The following SPATC1L variants were observed in gnomAD, a reference collection of about 807,000 sequenced individuals.
SPATC1L encodes the protein speriolin-like protein.
A neutral mutation model predicts 21.2 loss-of-function variants in SPATC1L; 20 were observed. That is an observed-to-expected ratio of 0.94 (90% CI 0.66 to 1.37). The LOEUF is 1.37. Among genes scored for constraint, SPATC1L ranks in the 40% most tolerant of loss-of-function variants. SPATC1L has a pLI of 0.00. For missense variants in SPATC1L, 499 were observed against 478.7 expected, an observed-to-expected ratio of 1.04 and a Z score of -0.40; for synonymous variants, 290 against 234.5, an observed-to-expected ratio of 1.24 and a Z score of -2.16.
chr21:46,184,392 A>G lies in SPATC1L; in HGVS notation c.-995T>C. On this transcript the variant is annotated 5_prime_UTR_variant, in exon 1 of 5. Transcript: ENST00000291672. Reference sequence around the variant, plus strand: ...TTCTTGGCTCCGAGGGTCTTGTTTTATCAGCAGCCGGGATGCAACAGATGG... The same window carrying G: ...TTCTTGGCTCCGAGGGTCTTGTTTTGTCAGCAGCCGGGATGCAACAGATGG... 1 of 158,656 alleles carries G rather than the reference A, an allele frequency of 6.3e-6. No individual in the cohort carries two copies. Among genetic ancestry groups the G allele is most frequent in the South Asian group, 1.4e-4 (1 of 7,148 alleles). 9.8% of individuals were successfully genotyped at this position (158,656 alleles called of 1,614,324 possible).
At chr21:46,165,921 C>T (rs2079537091) in intron 3 of SPATC1L, among the ~76,000 whole-genome samples, 1 of 152,136 alleles carries the variant, frequency 6.6e-6, no homozygotes, top group Non-Finnish European at 1.5e-5. Context: ...CCATTCAAGG[C>T]TCGGGTAGTT....
rs202009773 is a variant in SPATC1L at position 46,161,985 on chromosome 21, G to A, written c.627C>T (p.Ala209=). ...IAFQLDRRIL[A]YVFPGVTRLY... is the part of the protein sequence containing the mutation. ...GCCGCGTCACGCCCGGGAACACGTAGGCCAGGATGCGGCGGTCCAGCTGGA... is the reference window on the plus strand; with the variant it reads ...GCCGCGTCACGCCCGGGAACACGTAAGCCAGGATGCGGCGGTCCAGCTGGA... Residue 209 remains alanine (A), a synonymous_variant, in exon 4 of 5, where the codon GCC becomes GCT. Transcript: ENST00000291672. The A allele has an allele frequency of 1.9e-6, 3 of 1,607,148 alleles. No individual in the cohort carries two copies. Among genetic ancestry groups the A allele is most frequent in the East Asian group, 2.2e-5 (1 of 44,782 alleles).
rs1293480540 is a variant in SPATC1L at position 46,161,612 on chromosome 21, G to A, written c.790C>T (p.Leu264=). The A allele has an allele frequency of 1.9e-6, 3 of 1,610,330 alleles. No homozygotes were observed. The South Asian group carries it at 3.3e-5, about 18-fold the overall frequency. The change falls in exon 5 of 5, where the codon CTG becomes TTG. Residue 264 remains leucine, a synonymous_variant. Coordinates refer to ENST00000291672, the MANE Select transcript of SPATC1L (RefSeq NM_001142854.2). Reference sequence around the variant, plus strand: ...GGGTGCACGTCGCGGCTGTAGCCCAGCTTCTCCAGGCGCGCGCTCAGGGCC... The same window carrying A: ...GGGTGCACGTCGCGGCTGTAGCCCAACTTCTCCAGGCGCGCGCTCAGGGCC... ...YLALSARLEK[L]GYSRDVHPAF... is the part of the protein sequence containing the mutation.
rs1210830943 is a variant in SPATC1L at position 46,161,280 on chromosome 21, C to T, written c.*99G>A. The T allele has an allele frequency of 7.5e-6, 9 of 1,201,642 alleles. No individual in the cohort carries two copies. Among genetic ancestry groups the T allele is most frequent in the African/African-American group, 4.9e-5 (3 of 61,686 alleles). 74.4% of individuals were successfully genotyped at this position (1,201,642 alleles called of 1,614,324 possible). A position where few individuals can be genotyped will look rare whatever the true frequency, so the allele number is the denominator to read the frequency against. On this transcript the variant is annotated 3_prime_UTR_variant, in exon 5 of 5. Coordinates refer to ENST00000291672, the MANE Select transcript of SPATC1L (RefSeq NM_001142854.2). ...CTTCTCTGGCCTCGCGCGCGGGGGA[C>T]GCGGCCCTTTCCCCTCCGGGGGGAC...
chr21:46,176,981 T>G (rs2079637925), intron 2 of SPATC1L, among the ~76,000 whole-genome samples: 1 of 152,196 alleles, frequency 6.6e-6, no homozygotes, highest in Non-Finnish European at 1.5e-5. Flanking sequence ...CCACCTGATC[T>G]TCAACAAATC....
chr21:46,179,258 A>G (rs575992044), intron 2 of SPATC1L, among the ~76,000 whole-genome samples: 25 of 152,124 alleles, frequency 1.6e-4, no homozygotes, highest in African/African-American at 6.0e-4. Flanking sequence ...AGAAAAAAAC[A>G]TAATGGGCCA....
In SPATC1L at chr21:46,161,352, C is replaced by A. The variant is rs757884346; in HGVS notation, c.*27G>T. ...CGGGTTGGAACAAACGCGTTTACTG[C>A]AGGCAAGGCGGCGGGCGCGGGGCGG... On this transcript the variant is annotated 3_prime_UTR_variant, in exon 5 of 5. Coordinates refer to ENST00000291672, the MANE Select transcript of SPATC1L (RefSeq NM_001142854.2). 4 of 1,487,666 alleles carry A rather than the reference C, an allele frequency of 2.7e-6. No homozygotes were observed. In the African/African-American group the frequency reaches 5.6e-5, roughly 21 times the overall value. The allele number at this position is 1,487,666 out of a possible 1,614,324, so 92.2% of individuals were successfully genotyped here. A position where few individuals can be genotyped will look rare whatever the true frequency, so the allele number is the denominator to read the frequency against.
chr21:46,182,789 G>A lies in SPATC1L; in HGVS notation c.28C>T (p.Arg10Trp), dbSNP rs773224278. The change falls in exon 2 of 5, where the codon CGG becomes TGG. Residue 10 changes from arginine to tryptophan, a missense_variant. Transcript: ENST00000291672. ...AGGTCCGCGTTCTCGCTCAGGAGCC[G>A]GCTCATCAGCTCGCCGCCTTCAGCC... is the stretch of plus-strand genomic sequence containing the variant. MAEGGELMS[R>W]LLSENADLKK... The A allele has an allele frequency of 7.8e-6, 12 of 1,544,746 alleles. No homozygotes were observed. Among genetic ancestry groups the A allele is most frequent in the East Asian group, 2.5e-5 (1 of 40,774 alleles).
At chr21:46,169,598 T>C (rs2079569082) in intron 2 of SPATC1L, among the ~76,000 whole-genome samples, 1 of 121,490 alleles carries the variant, frequency 8.2e-6, no homozygotes, top group Non-Finnish European at 1.7e-5. Context: ...CCCCCTGCTC[T>C]GTGAGCATCC....
At chr21:46,171,127 C>T (rs2079586703) in intron 2 of SPATC1L, among the ~76,000 whole-genome samples, 1 of 152,226 alleles carries the variant, frequency 6.6e-6, no homozygotes, top group African/African-American at 2.4e-5. Context: ...CCATGCCCAC[C>T]AACACCTCCT....
intron 3 of SPATC1L, among the ~76,000 whole-genome samples, chr21:46,162,450 C>T (rs765097049): frequency 7.9e-5 from 12 of 152,166 alleles, no homozygotes; most frequent in South Asian, 2.1e-4. Flanking sequence ...GGAACAGGGC[C>T]GGTCGGCTTG....
chr21:46,170,258 AGC>A, intron 2 of SPATC1L, among the ~76,000 whole-genome samples: 1 of 141,538 alleles, frequency 7.1e-6, no homozygotes, highest in Non-Finnish European at 1.5e-5. Flanking sequence ...CTGCTCTGTG[AGC>A]ATCCTCTGTG....
In SPATC1L at chr21:46,161,701, G is replaced by A. The variant is rs1223635338; in HGVS notation, c.701C>T (p.Ser234Phe). ...CACGGAGCCGTCCAGAGACTTGGTG[G>A]AGGTCTGCGGGCGCAGCGCATGGAT... ...ANIPEKIEQT[S>F]TKSLDGSVDE... Residue 234 changes from serine to phenylalanine, a missense_variant, in exon 5 of 5, where the codon TCC (serine) becomes TTC (phenylalanine). Transcript: ENST00000291672. The A allele has an allele frequency of 4.4e-6, 7 of 1,591,794 alleles. No individual in the cohort carries two copies. Among genetic ancestry groups the A allele is most frequent in the Non-Finnish European group, 6.0e-6 (7 of 1,168,772 alleles).
At chr21:46,164,415 C>T (rs899302809) in intron 3 of SPATC1L, among the ~76,000 whole-genome samples, 1 of 152,144 alleles carries the variant, frequency 6.6e-6, no homozygotes, top group East Asian at 1.9e-4. Flanking sequence ...CAACACACTG[C>T]ACAGAAGTGT....
At chr21:46,175,567 A>G (rs900903263) in intron 2 of SPATC1L, among the ~76,000 whole-genome samples, 17 of 152,224 alleles carry the variant, frequency 1.1e-4, no homozygotes, top group Non-Finnish European at 1.3e-4. Context: ...GAAAAAATGG[A>G]TAAGTTCCTG....
Position 46,161,403 on chromosome 21 carries a change from GTCC to G in SPATC1L, c.996_998del (p.Glu332del), listed in dbSNP as rs1555886427. 6.5e-7 allele frequency: 1 copy of G among 1,530,898 alleles called. No homozygotes were observed. Among genetic ancestry groups the G allele is most frequent in the Non-Finnish European group, 8.8e-7 (1 of 1,140,780 alleles). The allele number at this position is 1,530,898 out of a possible 1,614,324, so 94.8% of individuals were successfully genotyped here. Reference sequence around the variant, plus strand: ...CTCACCAGGCGAAGAGGGGCTTGCCGTCCTCCTTGGAGAGCTCGCACAGGCAGT... The same window carrying G: ...CTCACCAGGCGAAGAGGGGCTTGCCGTCCTTGGAGAGCTCGCACAGGCAGT... On this transcript the variant is annotated inframe_deletion, in exon 5 of 5. Transcript: ENST00000291672.
Position 46,168,352 on chromosome 21 carries a change from C to A in SPATC1L, c.500G>T (p.Ser167Ile). ...RPKKVCFSES[S>I]LPTGDRTRRS... is the part of the protein sequence containing the mutation. ...CCTGGTCCTGTCCCCGGTGGGCAGG[C>A]TGCTCTCCGAGAAACACACCTTCTT... Residue 167 changes from serine (S) to isoleucine (I), a missense_variant, in exon 3 of 5, where the codon AGC becomes ATC. Transcript: ENST00000291672. 6.2e-7 allele frequency: 1 copy of A among 1,601,448 alleles called. No individual in the cohort carries two copies. Among genetic ancestry groups the A allele is most frequent in the Middle Eastern group, 1.7e-4 (1 of 6,002 alleles).
chr21:46,163,402 T>G (rs1163503643), intron 3 of SPATC1L, among the ~76,000 whole-genome samples: 1 of 152,228 alleles, frequency 6.6e-6, no homozygotes. Context: ...TGATGTGATC[T>G]CTAAGAATCC....
intron 4 of SPATC1L, 63 bp downstream of exon 4, chr21:46,161,853 G>A (rs922553607): frequency 1.4e-5 from 22 of 1,567,958 alleles, no homozygotes; most frequent in African/African-American, 1.3e-4. Context: ...AGATCTGGGG[G>A]CCGCACAGGG....
Sources: allele counts gnomAD v4.1 joint callset (sites outside exome capture counted in the v4.1 genomes callset), GRCh38; gene constraint gnomAD v4.1.1; transcripts MANE v1.5; gene names NCBI Gene and HGNC (gene_info 2026-07-23, HGNC 2026-07-21).